LYPD6B: variants seen among roughly 807,000 people sequenced by gnomAD.
LYPD6B encodes the protein ly6/PLAUR domain-containing protein 6B.
LYPD6B carries 17 observed loss-of-function variants against 22.8 expected under a neutral mutation model. That is an observed-to-expected ratio of 0.75 (90% CI 0.51 to 1.12). The LOEUF is 1.12. Ranked by LOEUF, LYPD6B falls within the 50% of genes most tolerant of loss-of-function variation. LYPD6B has a pLI of 0.00. For missense variants in LYPD6B, 221 were observed against 258.3 expected (o/e 0.86, Z 0.99); for synonymous variants, 106 against 91.6 (o/e 1.16, Z -0.90).
intron 1 of LYPD6B, among the ~76,000 whole-genome samples, chr2:149,049,744 G>A (rs1683466074): frequency 6.6e-6 from 1 of 152,202 alleles, no homozygotes; most frequent in Non-Finnish European, 1.5e-5. Flanking sequence ...TTGTGAGTAA[G>A]TGCTCTTAGA....
At chr2:149,189,703 C>T (rs1018832470) in intron 3 of LYPD6B, among the ~76,000 whole-genome samples, 9 of 152,024 alleles carry the variant, frequency 5.9e-5, no homozygotes, top group Non-Finnish European at 1.2e-4. Flanking sequence ...TGTTGATCTT[C>T]CTTACCTTCA....
At chr2:149,110,690 A>T (rs905476679) in intron 1 of LYPD6B, among the ~76,000 whole-genome samples, 5 of 152,182 alleles carry the variant, frequency 3.3e-5, no homozygotes, top group Admixed American at 1.3e-4. Flanking sequence ...TAGATTAGAG[A>T]TGTGTTTCGT....
chr2:149,159,868 T>C (rs988631794), intron 2 of LYPD6B, among the ~76,000 whole-genome samples: 2 of 152,154 alleles, frequency 1.3e-5, no homozygotes, highest in African/African-American at 4.8e-5. Context: ...TTATGAAAGG[T>C]AATTTGCTTT....
intron 1 of LYPD6B, among the ~76,000 whole-genome samples, chr2:149,045,203 G>A (rs1683256037): frequency 6.6e-6 from 1 of 151,954 alleles, no homozygotes; most frequent in Non-Finnish European, 1.5e-5. Flanking sequence ...CAAATTCATT[G>A]ATACAGAATT....
intron 3 of LYPD6B, among the ~76,000 whole-genome samples, chr2:149,171,258 T>C (rs1028148296): frequency 2.0e-5 from 3 of 152,172 alleles, no homozygotes; most frequent in African/African-American, 4.8e-5. Flanking sequence ...ACCAAGTCTT[T>C]TATTACTGTC....
intron 1 of LYPD6B, among the ~76,000 whole-genome samples, chr2:149,052,297 C>T (rs893631270): frequency 4.6e-5 from 7 of 151,996 alleles, no homozygotes; most frequent in Admixed American, 1.3e-4. Context: ...CCTCATGATC[C>T]GCCCGCCTCA....
At chr2:149,066,325 C>T (rs1462246365) in intron 1 of LYPD6B, among the ~76,000 whole-genome samples, 3 of 152,012 alleles carry the variant, frequency 2.0e-5, no homozygotes, top group East Asian at 1.9e-4. Context: ...ATCCCTCCCC[C>T]GTCCCCCCAC....
At chr2:149,189,666 T>C (rs1235914446) in intron 3 of LYPD6B, among the ~76,000 whole-genome samples, 7 of 152,108 alleles carry the variant, frequency 4.6e-5, no homozygotes, top group African/African-American at 1.7e-4. Flanking sequence ...ATAAACCTGT[T>C]GGGGAAGCAA....
intron 1 of LYPD6B, among the ~76,000 whole-genome samples, chr2:149,042,158 G>A (rs1309500422): frequency 6.6e-6 from 1 of 152,244 alleles, no homozygotes; most frequent in Admixed American, 6.5e-5. Flanking sequence ...ATTAATGGTA[G>A]ATCCTGGACT....
At chr2:149,054,641 C>G (rs905809167) in intron 1 of LYPD6B, among the ~76,000 whole-genome samples, 1 of 152,014 alleles carries the variant, frequency 6.6e-6, no homozygotes, top group East Asian at 1.9e-4. Flanking sequence ...CTGAGTAAGC[C>G]GAGGTGGCAG....
chr2:149,051,660 ATAT>A (rs970737110), intron 1 of LYPD6B, among the ~76,000 whole-genome samples: 1 of 151,530 alleles, frequency 6.6e-6, no homozygotes, highest in East Asian at 2.0e-4. Context: ...AAAGGGCTAT[ATAT>A]TATTATTATT....
intron 2 of LYPD6B, among the ~76,000 whole-genome samples, chr2:149,136,309 A>G (rs972295257): frequency 6.6e-6 from 1 of 152,214 alleles, no homozygotes; most frequent in Non-Finnish European, 1.5e-5. Flanking sequence ...GAGTTTCATA[A>G]GAAGCATTAT....
intron 1 of LYPD6B, among the ~76,000 whole-genome samples, chr2:149,062,213 C>T (rs529989003): frequency 9.9e-4 from 151 of 152,282 alleles, no homozygotes; most frequent in African/African-American, 3.6e-3. Context: ...TATCGAACTC[C>T]CAACCTCAGG....
intron 1 of LYPD6B, among the ~76,000 whole-genome samples, chr2:149,077,802 C>G (rs1361335335): frequency 6.6e-6 from 1 of 152,184 alleles, no homozygotes; most frequent in Admixed American, 6.5e-5. Context: ...TGCAAATTTA[C>G]TAATGTAAAA....
At chr2:149,129,564 G>C (rs1369094377) in intron 1 of LYPD6B, among the ~76,000 whole-genome samples, 1 of 152,220 alleles carries the variant, frequency 6.6e-6, no homozygotes, top group East Asian at 1.9e-4. Flanking sequence ...TTTATAACTG[G>C]AGATAATCTT....
At chr2:149,082,875 T>C (rs1036103598) in intron 1 of LYPD6B, among the ~76,000 whole-genome samples, 2 of 152,176 alleles carry the variant, frequency 1.3e-5, no homozygotes, top group Admixed American at 1.3e-4. Context: ...GGTACAGCCA[T>C]AATTCAGGCC....
At chr2:149,076,706 A>T (rs966053317) in intron 1 of LYPD6B, among the ~76,000 whole-genome samples, 11 of 152,172 alleles carry the variant, frequency 7.2e-5, no homozygotes, top group African/African-American at 2.2e-4. Flanking sequence ...ATGAAATTTT[A>T]AAAAAACTGT....
intron 1 of LYPD6B, among the ~76,000 whole-genome samples, chr2:149,129,513 G>C (rs1486885350): frequency 6.6e-6 from 1 of 152,190 alleles, no homozygotes; most frequent in African/African-American, 2.4e-5. Flanking sequence ...TCCTGCTGAA[G>C]TATAAATGAC....
At chr2:149,183,800 AT>A (rs1691908555) in intron 3 of LYPD6B, among the ~76,000 whole-genome samples, 1 of 151,940 alleles carries the variant, frequency 6.6e-6, no homozygotes, top group Non-Finnish European at 1.5e-5. Context: ...TGTTTATTCA[AT>A]GAATAAAAGA....
Sources: allele counts gnomAD v4.1 joint callset (sites outside exome capture counted in the v4.1 genomes callset), GRCh38; gene constraint gnomAD v4.1.1; transcripts MANE v1.5; gene names NCBI Gene and HGNC (gene_info 2026-07-23, HGNC 2026-07-21).